The following LRRC8B variants were observed in gnomAD, a reference collection of about 807,000 sequenced individuals.
LRRC8B encodes the protein volume-regulated anion channel subunit LRRC8B.
In LRRC8B, 23 loss-of-function variants were observed where a neutral mutation model predicts 58.8. That is an observed-to-expected ratio of 0.39 (90% CI 0.28 to 0.55). The LOEUF is 0.55. Among genes scored for constraint, LRRC8B ranks in the 20% least tolerant of loss-of-function variants. LRRC8B has a pLI of 0.62. For synonymous variants in LRRC8B, 359 were observed against 374.1 expected, an observed-to-expected ratio of 0.96 and a Z score of 0.47; for missense variants, 694 against 936.0, an observed-to-expected ratio of 0.74 and a Z score of 3.37.
In LRRC8B at chr1:89,568,235, T is replaced by G. The variant is rs921485626; in HGVS notation, c.-240-12T>G. Reference sequence around the variant, plus strand: ...TGTGTAGTTTGTGACAGTGATTTGTTTCTCTCCCTAGGTAATAGTTAACCT... The same window carrying G: ...TGTGTAGTTTGTGACAGTGATTTGTGTCTCTCCCTAGGTAATAGTTAACCT... On this transcript the variant is annotated splice_polypyrimidine_tract_variant and intron_variant, in intron 1 of 5. Transcript: ENST00000330947. The G allele has an allele frequency of 2.0e-5, 3 of 152,154 alleles. No individual in the cohort carries two copies. Among genetic ancestry groups the G allele is most frequent in the Non-Finnish European group, 2.9e-5 (2 of 67,982 alleles). The allele number at this position is 152,154 out of a possible 1,614,324, so 9.4% of individuals were successfully genotyped here.
intron 3 of LRRC8B, among the ~76,000 whole-genome samples, chr1:89,576,973 T>TAG (rs1653899716): frequency 6.6e-6 from 1 of 152,210 alleles, no homozygotes; most frequent in Non-Finnish European, 1.5e-5. Context: ...CATTGTTTCC[T>TAG]AGAGAGAGAA....
At chr1:89,539,664 T>C (rs1327207845) in intron 1 of LRRC8B, among the ~76,000 whole-genome samples, 3 of 152,212 alleles carry the variant, frequency 2.0e-5, no homozygotes, top group Admixed American at 1.3e-4. Flanking sequence ...GCATATTCCA[T>C]TGGAGGGAAT....
At chr1:89,544,983 CG>C (rs1651290629) in intron 1 of LRRC8B, among the ~76,000 whole-genome samples, 1 of 152,104 alleles carries the variant, frequency 6.6e-6, no homozygotes, top group African/African-American at 2.4e-5. Context: ...CAATTTTTAA[CG>C]TAATAGGAAG....
chr1:89,592,564 G>A (rs1438189258), intron 5 of LRRC8B, among the ~76,000 whole-genome samples: 3 of 151,994 alleles, frequency 2.0e-5, no homozygotes, highest in African/African-American at 7.3e-5. Flanking sequence ...GGTGTCCAGG[G>A]TAGCCACAGT....
At chr1:89,580,417 T>A (rs971794030) in intron 4 of LRRC8B, among the ~76,000 whole-genome samples, 2 of 152,228 alleles carry the variant, frequency 1.3e-5, no homozygotes, top group African/African-American at 2.4e-5. Flanking sequence ...AGCTGTCTCA[T>A]GACTAGCTGA....
intron 4 of LRRC8B, among the ~76,000 whole-genome samples, chr1:89,580,608 C>T (rs373635049): frequency 2.0e-5 from 3 of 152,232 alleles, no homozygotes; most frequent in African/African-American, 7.2e-5. Flanking sequence ...TTCTGTCTTA[C>T]CTCGACACAC....
intron 1 of LRRC8B, among the ~76,000 whole-genome samples, chr1:89,526,064 T>C (rs1649671850): frequency 6.6e-6 from 1 of 152,238 alleles, no homozygotes; most frequent in Admixed American, 6.5e-5. Flanking sequence ...TAAAACAGAT[T>C]TATCTTTATC....
chr1:89,573,029 G>A (rs12118443), intron 3 of LRRC8B, among the ~76,000 whole-genome samples: 57,267 of 151,992 alleles, frequency 0.38, 13,016 homozygotes, highest in South Asian at 0.55. Context: ...GGCCAGGCAC[G>A]GTGGTTCACG....
chr1:89,564,596 A>G (rs886114881), intron 1 of LRRC8B, among the ~76,000 whole-genome samples: 1 of 151,896 alleles, frequency 6.6e-6, no homozygotes, highest in African/African-American at 2.4e-5. Flanking sequence ...CCTTCCCCTA[A>G]CTCTATCACT....
At position 89,582,776 on chromosome 1, in the gene LRRC8B, C is replaced by T. The variant is rs143441195; in HGVS notation, c.126C>T (p.Ala42=). ...TLIMLLVAVL[A]GALQLTQSRV... ...TCATGCTGCTGGTGGCCGTGCTGGC[C>T]GGAGCTCTCCAGCTGACGCAGAGCA... The change falls in exon 5 of 6, where the codon GCC becomes GCT. Residue 42 remains alanine (A), a synonymous_variant. Coordinates refer to ENST00000330947, the MANE Select transcript of LRRC8B (RefSeq NM_001369817.2). 1.4e-4 allele frequency: 223 copies of T among 1,614,150 alleles called. No individual in the cohort carries two copies. In the African/African-American group the frequency reaches 1.7e-3, roughly 12 times the overall value.
chr1:89,565,116 G>A (rs1409615345), intron 1 of LRRC8B, among the ~76,000 whole-genome samples: 1 of 152,212 alleles, frequency 6.6e-6, no homozygotes, highest in South Asian at 2.1e-4. Context: ...CACCTAATAT[G>A]TGGTAGGCTC....
At chr1:89,580,635 G>A (rs1366270926) in intron 4 of LRRC8B, among the ~76,000 whole-genome samples, 1 of 152,176 alleles carries the variant, frequency 6.6e-6, no homozygotes, top group African/African-American at 2.4e-5. Context: ...GTAAGGCAGA[G>A]AGGTGAGGCA....
intron 3 of LRRC8B, among the ~76,000 whole-genome samples, chr1:89,569,351 G>A (rs75079244): frequency 0.054 from 8,174 of 152,080 alleles, 238 homozygotes; most frequent in African/African-American, 0.076. Flanking sequence ...TACATGATCA[G>A]ATTTGTTATA....
intron 1 of LRRC8B, among the ~76,000 whole-genome samples, chr1:89,528,966 C>G (rs935590384): frequency 3.3e-5 from 5 of 152,122 alleles, no homozygotes; most frequent in Non-Finnish European, 5.9e-5. Flanking sequence ...CTGGGAAATA[C>G]TATCCTTATT....
rs1348514889 is a variant in LRRC8B at position 89,583,318 on chromosome 1, C to G, written c.668C>G (p.Ser223Cys). The part of the protein sequence containing the change: ...LESAGIESPT[S>C]SVLDKKEGEQ... Reference sequence around the variant, plus strand: ...TCAGCTGGCATAGAAAGCCCAACTTCCAGTGTCCTGGACAAGAAGGAGGGT... The same window carrying G: ...TCAGCTGGCATAGAAAGCCCAACTTGCAGTGTCCTGGACAAGAAGGAGGGT... The change falls in exon 5 of 6, where the codon TCC becomes TGC. Residue 223 changes from serine to cysteine, a missense_variant. Ser to Cys is a moderately radical substitution (Grantham distance 112). Transcript: ENST00000330947. The surrounding 1 kb of genome is among the most constrained non-coding windows in gnomAD (Gnocchi z 5.2). The G allele has an allele frequency of 6.2e-7, 1 of 1,614,180 alleles. No homozygotes were observed. The highest frequency in any genetic ancestry group is 1.1e-5 in the South Asian group (1 of 91,090).
chr1:89,534,088 T>C (rs1345644804), intron 1 of LRRC8B, among the ~76,000 whole-genome samples: 2 of 152,228 alleles, frequency 1.3e-5, no homozygotes, highest in Admixed American at 6.5e-5. Context: ...AGTCAAAATT[T>C]TACGTGGTTA....
intron 1 of LRRC8B, among the ~76,000 whole-genome samples, chr1:89,526,222 T>G (rs1040782616): frequency 6.6e-6 from 1 of 152,174 alleles, no homozygotes; most frequent in Admixed American, 6.5e-5. Flanking sequence ...TTTGTTTCTT[T>G]GTTTTGTTTT....
At chr1:89,557,869 A>G (rs1031143589) in intron 1 of LRRC8B, among the ~76,000 whole-genome samples, 3 of 152,200 alleles carry the variant, frequency 2.0e-5, no homozygotes, top group African/African-American at 7.2e-5. Flanking sequence ...GAACATTTAC[A>G]CAGTAACAGA....
intron 1 of LRRC8B, among the ~76,000 whole-genome samples, chr1:89,525,562 G>A (rs558034133): frequency 1.3e-5 from 2 of 152,318 alleles, no homozygotes; most frequent in East Asian, 3.9e-4. Flanking sequence ...TTTGGTGGTG[G>A]TGTTGGGCGT....
Sources: allele counts gnomAD v4.1 joint callset (sites outside exome capture counted in the v4.1 genomes callset), GRCh38; gene constraint gnomAD v4.1.1; non-coding constraint Gnocchi (gnomAD v3.1); transcripts MANE v1.5; gene names NCBI Gene and HGNC (gene_info 2026-07-23, HGNC 2026-07-21).